ATF6: variants seen among roughly 807,000 people sequenced by gnomAD.
The protein encoded by ATF6 is activating transcription factor 6.
In ATF6, 53 loss-of-function variants were observed where a neutral mutation model predicts 83.6. That is an observed-to-expected ratio of 0.63 (90% CI 0.51 to 0.80). ATF6 has a LOEUF of 0.80. Ranked by LOEUF, ATF6 falls within the 30% of genes least tolerant of loss-of-function variation. The pLI is 0.00. For missense variants in ATF6, 744 were observed against 797.9 expected, an observed-to-expected ratio of 0.93 and a Z score of 0.81; for synonymous variants, 288 against 285.8, an observed-to-expected ratio of 1.01 and a Z score of -0.08.
At chr1:161,862,744 G>T (rs1364112989) in intron 13 of ATF6, among the ~76,000 whole-genome samples, 2 of 152,118 alleles carry the variant, frequency 1.3e-5, no homozygotes, top group African/African-American at 4.8e-5. Flanking sequence ...AACCAAGTCT[G>T]CTTGTTTTCA....
rs747134730 is a variant in ATF6, at chr1:161,802,055, A to G, written c.692A>G (p.Gln231Arg). 5.0e-6 allele frequency: 8 copies of G among 1,614,038 alleles called. 1 individual carries two copies. The South Asian group carries it at 8.8e-5, about 18-fold the overall frequency. ...CCTTTTCTTTTTTCTAACGCAGGCC[A>G]GACGGTTTTGCTGTCTCAGCCTACT... ...ISLQPAPTKGQTVLLSQPTVV... is the reference protein window; with the variant it reads ...ISLQPAPTKGRTVLLSQPTVV... Residue 231 changes from glutamine (Q) to arginine (R), a missense_variant, in exon 7 of 16, where the codon CAG becomes CGG. Gln to Arg is a conservative substitution (Grantham distance 43). Coordinates refer to ENST00000367942, the MANE Select transcript of ATF6 (RefSeq NM_007348.4).
chr1:161,845,868 A>T (rs1686472959), intron 9 of ATF6, among the ~76,000 whole-genome samples: 1 of 151,942 alleles, frequency 6.6e-6, no homozygotes, highest in Non-Finnish European at 1.5e-5. Flanking sequence ...TCTGAAGAGG[A>T]TATACATTGA....
chr1:161,906,043 C>T (rs1369065511), intron 14 of ATF6, among the ~76,000 whole-genome samples: 1 of 152,134 alleles, frequency 6.6e-6, no homozygotes, highest in Non-Finnish European at 1.5e-5. Flanking sequence ...CCATGTTAGC[C>T]ATGATGGTCT....
At chr1:161,823,201 A>G (rs1396676672) in intron 9 of ATF6, among the ~76,000 whole-genome samples, 1 of 152,066 alleles carries the variant, frequency 6.6e-6, no homozygotes, top group African/African-American at 2.4e-5. Flanking sequence ...ATTTAAAAAT[A>G]ATAAACCGTA....
In ATF6 at chr1:161,853,278, G is replaced by C; in HGVS notation, c.1488G>C (p.Lys496Asn). 6.2e-7 allele frequency: 1 copy of C among 1,613,942 alleles called. No homozygotes were observed. Among genetic ancestry groups the C allele is most frequent in the Non-Finnish European group, 8.5e-7 (1 of 1,179,804 alleles). Residue 496 changes from lysine (K) to asparagine (N), a missense_variant, in exon 12 of 16, where the codon AAG becomes AAC. By Grantham distance (94) the Lys-to-Asn change is moderately conservative. Transcript: ENST00000367942. Reference protein sequence around the residue: ...WVHRHEVERTKSRRMTNNQQK... With the variant: ...WVHRHEVERTNSRRMTNNQQK... Reference sequence around the variant, plus strand: ...ATAGACATGAAGTAGAAAGGACCAAGTCAAGAAGAATGACAAATAATCAAC... The same window carrying C: ...ATAGACATGAAGTAGAAAGGACCAACTCAAGAAGAATGACAAATAATCAAC...
chr1:161,922,285 T>C (rs1235256875), intron 15 of ATF6, among the ~76,000 whole-genome samples: 1 of 152,158 alleles, frequency 6.6e-6, no homozygotes, highest in African/African-American at 2.4e-5. Flanking sequence ...CCCAGGACAG[T>C]CTGTCCCCAC....
intron 9 of ATF6, among the ~76,000 whole-genome samples, chr1:161,827,985 G>T (rs1685945869): frequency 6.6e-6 from 1 of 152,140 alleles, no homozygotes; most frequent in African/African-American, 2.4e-5. Context: ...ACTCTAGGTA[G>T]CAGGGACTGG....
At chr1:161,925,982 A>C (rs1047397385) in intron 15 of ATF6, among the ~76,000 whole-genome samples, 1 of 152,194 alleles carries the variant, frequency 6.6e-6, no homozygotes, top group African/African-American at 2.4e-5. Context: ...ATGAAGCTGC[A>C]GAGGCAAGCA....
intron 15 of ATF6, among the ~76,000 whole-genome samples, chr1:161,929,084 G>A (rs574200585): frequency 1.6e-4 from 24 of 152,244 alleles, no homozygotes; most frequent in Admixed American, 1.5e-3. Flanking sequence ...TGAACTGAGA[G>A]GTACAAATAT....
chr1:161,952,234 G>A (rs1392341228), intron 15 of ATF6, among the ~76,000 whole-genome samples: 1 of 152,024 alleles, frequency 6.6e-6, no homozygotes, highest in Non-Finnish European at 1.5e-5. Context: ...CTCCTGCAGA[G>A]TATCAGTCCC....
intron 9 of ATF6, among the ~76,000 whole-genome samples, chr1:161,829,487 A>G (rs1370542128): frequency 1.3e-5 from 2 of 152,094 alleles, no homozygotes; most frequent in African/African-American, 2.4e-5. Flanking sequence ...ACTTATTCCA[A>G]AATTGACCAC....
At chr1:161,787,172 C>T (rs1684764824) in intron 4 of ATF6, among the ~76,000 whole-genome samples, 1 of 152,140 alleles carries the variant, frequency 6.6e-6, no homozygotes, top group Non-Finnish European at 1.5e-5. Flanking sequence ...TATCTGCCAA[C>T]CTATTCCATT....
At position 161,863,270 on chromosome 1, in the gene ATF6, C is replaced by T; in HGVS notation, c.1677C>T (p.Ile559=). 6.2e-7 allele frequency: 1 copy of T among 1,612,974 alleles called. No homozygotes were observed. The highest frequency in any genetic ancestry group is 1.1e-5 in the South Asian group (1 of 91,034). The change falls in exon 14 of 16, where the codon ATC becomes ATT. Residue 559 remains isoleucine (I), a synonymous_variant. Coordinates refer to ENST00000367942, the MANE Select transcript of ATF6 (RefSeq NM_007348.4). Reference sequence around the variant, plus strand: ...GTTATCAAGACTTTTTTGAAGCCATCCGCAGAAGGGGAGACACATTTTATG... The same window carrying T: ...GTTATCAAGACTTTTTTGAAGCCATTCGCAGAAGGGGAGACACATTTTATG... ...PRSYQDFFEA[I]RRRGDTFYVV...
chr1:161,941,640 T>A (rs144022100), intron 15 of ATF6, among the ~76,000 whole-genome samples: 32 of 152,336 alleles, frequency 2.1e-4, no homozygotes, highest in African/African-American at 7.2e-4. Flanking sequence ...TAGTTGTTTT[T>A]AGTCAGGAAA....
chr1:161,881,537 C>T (rs1002702403), intron 14 of ATF6, among the ~76,000 whole-genome samples: 1 of 152,022 alleles, frequency 6.6e-6, no homozygotes, highest in African/African-American at 2.4e-5. Flanking sequence ...ATGAATAGCC[C>T]GATGGAAGAG....
chr1:161,772,373 A>G (rs1233494773), intron 1 of ATF6, among the ~76,000 whole-genome samples: 1 of 152,232 alleles, frequency 6.6e-6, no homozygotes, highest in Admixed American at 6.5e-5. Context: ...CAGACCAATC[A>G]TATTTCCCTG....
At chr1:161,909,295 G>T (rs1687940672) in intron 14 of ATF6, among the ~76,000 whole-genome samples, 1 of 152,178 alleles carries the variant, frequency 6.6e-6, no homozygotes. Flanking sequence ...CTTCTAGCTA[G>T]CAAGAAGGAG....
At chr1:161,802,348 C>T (rs1467315591) in intron 7 of ATF6, 76 bp downstream of exon 7, 2 of 1,352,528 alleles carry the variant, frequency 1.5e-6, no homozygotes, top group East Asian at 2.4e-5. Flanking sequence ...GCTTTTGTTG[C>T]CTTGTTTTTG....
chr1:161,851,999 A>T (rs1032548218), intron 11 of ATF6, among the ~76,000 whole-genome samples, 164 bp downstream of exon 11: 1 of 152,222 alleles, frequency 6.6e-6, no homozygotes, highest in Admixed American at 6.5e-5. Flanking sequence ...CACCAACCTC[A>T]TGGAGATGGT....
Sources: gnomAD v4.1 joint callset for allele counts (sites outside exome capture counted in the v4.1 genomes callset) on GRCh38, gnomAD v4.1.1 for gene constraint, MANE v1.5 for transcripts, NCBI Gene and HGNC (gene_info 2026-07-23, HGNC 2026-07-21) for gene names.